The following TANK variants were observed in gnomAD, a reference collection of about 807,000 sequenced individuals.
The protein encoded by TANK is TRAF family member associated NFKB activator.
A neutral mutation model predicts 43.6 loss-of-function variants in TANK; 15 were observed. The ratio of observed to expected loss-of-function variants is 0.34; its 90% CI spans 0.23 to 0.53. TANK has a LOEUF of 0.53. Among genes scored for constraint, TANK ranks in the 20% least tolerant of loss-of-function variants. The probability of loss-of-function intolerance (pLI) is 0.94; values close to 1 mark genes in which losing one functional copy is unlikely to be tolerated. For synonymous variants in TANK, 162 were observed against 178.2 expected (o/e 0.91, Z 0.73); for missense variants, 417 against 498.6 (o/e 0.84, Z 1.56).
chr2:161,154,654 T>C (rs755648835), intron 1 of TANK, among the ~76,000 whole-genome samples: 10 of 152,204 alleles, frequency 6.6e-5, no homozygotes, highest in Non-Finnish European at 8.8e-5. Flanking sequence ...GGGTGACTGA[T>C]TGAATGTTGG....
intron 1 of TANK, among the ~76,000 whole-genome samples, chr2:161,169,777 A>G (rs1269858934): frequency 2.0e-5 from 3 of 152,216 alleles, no homozygotes; most frequent in East Asian, 1.9e-4. Context: ...ACAGAGACCT[A>G]GGTTTATCTG....
At chr2:161,209,999 G>A (rs759987575) in intron 4 of TANK, among the ~76,000 whole-genome samples, 1 of 152,132 alleles carries the variant, frequency 6.6e-6, no homozygotes, top group Non-Finnish European at 1.5e-5. Flanking sequence ...CTTTAAACAT[G>A]TCTTTATTTT....
At chr2:161,150,090 G>A in intron 1 of TANK, among the ~76,000 whole-genome samples, 1 of 152,096 alleles carries the variant, frequency 6.6e-6, no homozygotes, top group East Asian at 1.9e-4. Flanking sequence ...ATTCACCAGT[G>A]AAGCTATCTG....
At chr2:161,160,548 TG>T (rs1253506911) in intron 1 of TANK, 62 bp downstream of exon 1, 1 of 1,235,294 alleles carries the variant, frequency 8.1e-7, no homozygotes, top group Non-Finnish European at 1.0e-6. Flanking sequence ...TCGGAGAATT[TG>T]TATGCGTGAG....
intron 2 of TANK, among the ~76,000 whole-genome samples, chr2:161,196,740 C>A (rs1336121702): frequency 1.3e-5 from 2 of 152,004 alleles, no homozygotes; most frequent in African/African-American, 4.8e-5. Flanking sequence ...CTTGTAATCC[C>A]AGCTACTCAG....
intron 4 of TANK, among the ~76,000 whole-genome samples, chr2:161,207,035 G>A (rs1686683093): frequency 6.6e-6 from 1 of 151,840 alleles, no homozygotes; most frequent in Admixed American, 6.6e-5. Flanking sequence ...TTTTAATTTG[G>A]ATAATTTGTT....
chr2:161,224,768 A>G (rs757126137), intron 6 of TANK, 22 bp downstream of exon 6: 50 of 1,354,054 alleles, frequency 3.7e-5, no homozygotes, highest in Non-Finnish European at 3.9e-5. Context: ...TTTAATTTAC[A>G]GTAATATTGA....
intron 7 of TANK, among the ~76,000 whole-genome samples, chr2:161,233,398 AAAT>A (rs961363781): frequency 1.3e-5 from 2 of 152,082 alleles, no homozygotes; most frequent in Admixed American, 6.5e-5. Flanking sequence ...CCCTGTCTCA[AAAT>A]AATAATAATA....
At chr2:161,184,973 A>G (rs1685590669) in intron 2 of TANK, among the ~76,000 whole-genome samples, 1 of 152,160 alleles carries the variant, frequency 6.6e-6, no homozygotes, top group Admixed American at 6.5e-5. Context: ...GTATAGGTTG[A>G]AAGAATATTT....
intron 5 of TANK, among the ~76,000 whole-genome samples, chr2:161,224,428 C>T (rs922487333): frequency 2.6e-5 from 4 of 151,978 alleles, no homozygotes; most frequent in Non-Finnish European, 4.4e-5. Flanking sequence ...TGTATTAAAA[C>T]TTTTAATTTA....
At chr2:161,209,129 A>G (rs960321951) in intron 4 of TANK, among the ~76,000 whole-genome samples, 1 of 152,238 alleles carries the variant, frequency 6.6e-6, no homozygotes, top group Non-Finnish European at 1.5e-5. Context: ...AAGGGAAAAA[A>G]TATCATAGCC....
At chr2:161,216,929 G>A (rs541317478) in intron 4 of TANK, among the ~76,000 whole-genome samples, 5 of 152,294 alleles carry the variant, frequency 3.3e-5, no homozygotes, top group African/African-American at 1.2e-4. Context: ...ATATAATCAT[G>A]GCTTCAGAGG....
At chr2:161,139,747 A>C in intron 1 of TANK, 9 of 985,416 alleles carry the variant, frequency 9.1e-6, no homozygotes, top group Non-Finnish European at 1.1e-5. Context: ...TAACAGAAAA[A>C]GAATGAAAAC....
chr2:161,208,826 A>G (rs1296658736), intron 4 of TANK, among the ~76,000 whole-genome samples: 1 of 152,244 alleles, frequency 6.6e-6, no homozygotes, highest in Non-Finnish European at 1.5e-5. Context: ...GTAGTCTCAA[A>G]GTCACATTCC....
At chr2:161,203,650 GT>G in intron 3 of TANK, 55 bp downstream of exon 3, 1 of 1,161,552 alleles carries the variant, frequency 8.6e-7, no homozygotes, top group Non-Finnish European at 1.2e-6. Context: ...GAAAAGAAAG[GT>G]GTAAGTTGAG....
upstream of TANK, chr2:161,160,027 C>T (rs1056211488): frequency 5.9e-6 from 1 of 168,278 alleles, no homozygotes; most frequent in East Asian, 1.5e-4. Flanking sequence ...GAAATGAAAG[C>T]TGTAGGAGTC....
At chr2:161,215,564 A>G (rs1344237016) in intron 4 of TANK, among the ~76,000 whole-genome samples, 2 of 152,154 alleles carry the variant, frequency 1.3e-5, no homozygotes, top group Non-Finnish European at 2.9e-5. Flanking sequence ...GCTGCATACT[A>G]GGTACTCTGT....
At chr2:161,141,256 C>A (rs79920415) in intron 1 of TANK, among the ~76,000 whole-genome samples, 2 of 152,046 alleles carry the variant, frequency 1.3e-5, no homozygotes, top group Non-Finnish European at 2.9e-5. Flanking sequence ...ACCACAAATC[C>A]GCATTCTGTC....
intron 2 of TANK, chr2:161,201,190 A>G (rs745478974): frequency 7.1e-6 from 7 of 984,680 alleles, no homozygotes; most frequent in Non-Finnish European, 8.4e-6. Flanking sequence ...CTCGACCTTT[A>G]TAATACTTTA....
Sources: gnomAD v4.1 joint callset for allele counts (sites outside exome capture counted in the v4.1 genomes callset) on GRCh38, gnomAD v4.1.1 for gene constraint, MANE v1.5 for transcripts, NCBI Gene and HGNC (gene_info 2026-07-23, HGNC 2026-07-21) for gene names.